Variants in SYN3 observed in about 807,000 individuals in gnomAD.
The protein encoded by SYN3 is synapsin III.
In SYN3, 35 loss-of-function variants were observed where a neutral mutation model predicts 65.8. That is an observed-to-expected ratio of 0.53 (90% CI 0.41 to 0.70). The LOEUF (loss-of-function observed/expected upper bound fraction) is 0.70, where lower values mean the gene tolerates loss of function less well. Ranked by LOEUF, SYN3 falls within the 30% of genes least tolerant of loss-of-function variation. The probability of loss-of-function intolerance (pLI) is 0.00; values close to 1 mark genes in which losing one functional copy is unlikely to be tolerated. For missense variants in SYN3, 680 were observed against 749.0 expected, an observed-to-expected ratio of 0.91 and a Z score of 1.08; for synonymous variants, 270 against 292.9, an observed-to-expected ratio of 0.92 and a Z score of 0.80.
intron 6 of SYN3, among the ~76,000 whole-genome samples, chr22:32,649,996 G>T (rs2060038837): frequency 6.6e-6 from 1 of 152,120 alleles, no homozygotes; most frequent in African/African-American, 2.4e-5. Context: ...AGTAGGCTTT[G>T]ATTTCATAAA....
intron 6 of SYN3, among the ~76,000 whole-genome samples, chr22:32,839,094 A>T (rs1016087798): frequency 6.6e-6 from 1 of 151,796 alleles, no homozygotes; most frequent in Non-Finnish European, 1.5e-5. Context: ...GGAGGAAGTG[A>T]TTCTCACCTA....
intron 9 of SYN3, 52 bp from the exon 10 acceptor site, chr22:32,533,947 G>A (rs1170857991): frequency 1.8e-5 from 24 of 1,301,410 alleles, no homozygotes; most frequent in East Asian, 2.4e-5. Flanking sequence ...GTGGGGAAGC[G>A]GGTAGAGGGA....
chr22:32,834,309 C>T (rs1183316329), intron 6 of SYN3, among the ~76,000 whole-genome samples: 1 of 140,458 alleles, frequency 7.1e-6, no homozygotes, highest in Non-Finnish European at 1.5e-5. Context: ...CCCTCCACCA[C>T]ATCTGGCTAA....
chr22:32,606,776 C>G (rs914883168), intron 6 of SYN3, among the ~76,000 whole-genome samples: 1 of 151,706 alleles, frequency 6.6e-6, no homozygotes, highest in Non-Finnish European at 1.5e-5. Context: ...CTCTCTGCTC[C>G]TCTTCATTCA....
At chr22:32,523,513 A>G (rs556880090) in intron 12 of SYN3, among the ~76,000 whole-genome samples, 35 of 152,158 alleles carry the variant, frequency 2.3e-4, no homozygotes, top group Admixed American at 7.9e-4. Flanking sequence ...ACTCCATCTC[A>G]AAAAACAAAC....
chr22:33,025,222 C>T (rs192759233), intron 1 of SYN3, among the ~76,000 whole-genome samples: 43 of 151,120 alleles, frequency 2.8e-4, no homozygotes, highest in Non-Finnish European at 5.3e-4. Context: ...TTTGGGAGGC[C>T]GAGACGGGTG....
At chr22:32,526,973 T>C (rs2057988709) in intron 12 of SYN3, among the ~76,000 whole-genome samples, 1 of 152,170 alleles carries the variant, frequency 6.6e-6, no homozygotes, top group Admixed American at 6.5e-5. Context: ...CGGATTTCTC[T>C]CAAGACTGCA....
At chr22:32,608,299 A>G (rs2059396983) in intron 6 of SYN3, among the ~76,000 whole-genome samples, 2 of 152,180 alleles carry the variant, frequency 1.3e-5, no homozygotes, top group South Asian at 4.1e-4. Context: ...CGAACTCCTG[A>G]CGTCAAATGA....
intron 6 of SYN3, among the ~76,000 whole-genome samples, chr22:32,792,211 T>C (rs1433127380): frequency 6.6e-6 from 1 of 151,196 alleles, no homozygotes; most frequent in Non-Finnish European, 1.5e-5. Context: ...TTAAGGAACT[T>C]GTTCAAGGTC....
intron 6 of SYN3, among the ~76,000 whole-genome samples, chr22:32,754,773 G>C (rs1346036618): frequency 1.3e-5 from 2 of 152,252 alleles, no homozygotes; most frequent in African/African-American, 4.8e-5. Context: ...GCGTCTCCAT[G>C]TAACATTGGC....
In SYN3 at chr22:32,992,038, C is replaced by T. The variant is rs546677790; in HGVS notation, c.312-11336G>A. On this transcript the variant is annotated intron_variant, in intron 2 of 13. Coordinates refer to ENST00000358763, the MANE Select transcript of SYN3 (RefSeq NM_003490.4). ...GGAGTAGCTATTGCTCAAGAAGACC[C>T]GTGCATCCGAGGGACTCTTTGGAAA... is the stretch of plus-strand genomic sequence containing the variant. Among the ~76,000 whole-genome samples, 186 of 152,300 alleles carry T rather than the reference C, an allele frequency of 1.2e-3. 1 individual carries two copies. The highest frequency in any genetic ancestry group is 2.5e-3 in the Non-Finnish European group (168 of 68,028).
At chr22:33,020,288 T>G (rs2053539115) in intron 1 of SYN3, among the ~76,000 whole-genome samples, 3 of 152,202 alleles carry the variant, frequency 2.0e-5, no homozygotes, top group Admixed American at 2.0e-4. Context: ...CTGTACCTCT[T>G]TCAAAACCCA....
chr22:32,643,557 C>CG lies in SYN3; in HGVS notation c.712-46822dup, dbSNP rs1172115733. ...GGGCAAATTAGAAATGGTGGGGGGG[C>CG]GGGGGGGGCAGAACAGACCCATAAA... On this transcript the variant is annotated intron_variant, in intron 6 of 13. Coordinates refer to ENST00000358763, the MANE Select transcript of SYN3 (RefSeq NM_003490.4). 2.4e-3 allele frequency among the ~76,000 whole-genome samples: 48 copies of CG among 19,942 alleles called. 6 individuals carry two copies. The highest frequency in any genetic ancestry group is 0.062 in the Middle Eastern group (2 of 32). The allele number at this position is 19,942 out of a possible 152,430, so 13.1% of individuals were successfully genotyped here.
chr22:32,618,468 C>T (rs2059550817), intron 6 of SYN3, among the ~76,000 whole-genome samples: 2 of 152,164 alleles, frequency 1.3e-5, no homozygotes, highest in Admixed American at 6.5e-5. Flanking sequence ...TGATGAGGTG[C>T]TTCCTCCATT....
At chr22:32,565,274 G>A (rs952730023) in intron 7 of SYN3, among the ~76,000 whole-genome samples, 2 of 152,208 alleles carry the variant, frequency 1.3e-5, no homozygotes, top group African/African-American at 4.8e-5. Flanking sequence ...AATGATGCAG[G>A]TGAAACCATG....
intron 1 of SYN3, among the ~76,000 whole-genome samples, chr22:33,007,430 C>T (rs967314940): frequency 1.2e-4 from 19 of 152,056 alleles, no homozygotes; most frequent in African/African-American, 4.1e-4. Context: ...GTGCTTATTA[C>T]TATGGACCGG....
intron 3 of SYN3, among the ~76,000 whole-genome samples, chr22:32,937,548 G>GGA (rs964658622): frequency 1.3e-5 from 2 of 151,946 alleles, no homozygotes; most frequent in South Asian, 2.1e-4. Flanking sequence ...CAGAGAAGCA[G>GGA]GAGAGAGAGA....
At chr22:32,563,527 C>G (rs955316969) in intron 7 of SYN3, among the ~76,000 whole-genome samples, 10 of 152,180 alleles carry the variant, frequency 6.6e-5, no homozygotes, top group African/African-American at 2.4e-4. Context: ...GAACATGGAA[C>G]AGCCTGGCAT....
At chr22:32,570,036 G>A (rs1359572701) in intron 7 of SYN3, among the ~76,000 whole-genome samples, 6 of 152,222 alleles carry the variant, frequency 3.9e-5, no homozygotes. Flanking sequence ...CCAGTCCTCT[G>A]AAAAGTGTTT....
Sources: allele counts gnomAD v4.1 joint callset (sites outside exome capture counted in the v4.1 genomes callset), GRCh38; gene constraint gnomAD v4.1.1; transcripts MANE v1.5; gene names NCBI Gene and HGNC (gene_info 2026-07-23, HGNC 2026-07-21).